The following DOCK3 variants were observed in gnomAD, a reference collection of about 807,000 sequenced individuals.
DOCK3 encodes dedicator of cytokinesis protein 3.
In DOCK3, 60 loss-of-function variants were observed where a neutral mutation model predicts 265.6. That is an observed-to-expected ratio of 0.23 (90% CI 0.18 to 0.28). The LOEUF is 0.28. Ranked by LOEUF, DOCK3 falls within the 10% of genes least tolerant of loss-of-function variation. DOCK3 has a pLI of 1.00. For missense variants in DOCK3, 1,981 were observed against 2,594.3 expected (o/e 0.76, Z 5.14); for synonymous variants, 881 against 938.0 (o/e 0.94, Z 1.11).
At chr3:50,812,380 T>C (rs1287444144) in intron 2 of DOCK3, among the ~76,000 whole-genome samples, 1 of 152,222 alleles carries the variant, frequency 6.6e-6, no homozygotes, top group African/African-American at 2.4e-5. Context: ...GAAAGATGTT[T>C]ATAGGGTTGT....
chr3:50,732,699 C>T (rs553682889), intron 1 of DOCK3, among the ~76,000 whole-genome samples: 1 of 152,324 alleles, frequency 6.6e-6, no homozygotes, highest in East Asian at 1.9e-4. Flanking sequence ...GTGTGAACCA[C>T]TGTACCTGGC....
At position 51,330,235 on chromosome 3, in the gene DOCK3, C is replaced by T. The variant is rs779146346; in HGVS notation, c.3488+12C>T. 2.5e-6 allele frequency: 4 copies of T among 1,580,130 alleles called. No individual in the cohort carries two copies. The Admixed American group carries it at 7.3e-5, about 29-fold the overall frequency. On this transcript the variant is annotated intron_variant, in intron 33 of 52. Transcript: ENST00000266037. ...CTCTTCAGCCTACTGTAAGCTGCTC[C>T]AGCCCCAGGCACACCACACTGGGGG...
intron 22 of DOCK3, among the ~76,000 whole-genome samples, chr3:51,249,684 C>A (rs1185400008): frequency 5.7e-5 from 7 of 122,320 alleles, no homozygotes; most frequent in South Asian, 2.9e-4. Context: ...CCAGCCGCCC[C>A]GTCCGGGAGG....
intron 1 of DOCK3, among the ~76,000 whole-genome samples, chr3:50,731,131 CAA>C (rs58878539): frequency 0.037 from 3,652 of 99,544 alleles, 161 homozygotes; most frequent in African/African-American, 0.11. Context: ...GACTCTGTCT[CAA>C]AAAAAAAAAA....
chr3:51,060,702 G>A (rs2081379944), intron 5 of DOCK3, among the ~76,000 whole-genome samples: 1 of 152,148 alleles, frequency 6.6e-6, no homozygotes, highest in Non-Finnish European at 1.5e-5. Context: ...TCAGATGGTT[G>A]TAGATAAGCA....
chr3:50,811,239 A>G (rs2043739304), intron 2 of DOCK3, among the ~76,000 whole-genome samples: 1 of 151,934 alleles, frequency 6.6e-6, no homozygotes, highest in African/African-American at 2.4e-5. Context: ...AAAAGAGAAG[A>G]GAGAAAAGAA....
chr3:51,132,088 G>A (rs2084581878), intron 9 of DOCK3, among the ~76,000 whole-genome samples: 1 of 152,086 alleles, frequency 6.6e-6, no homozygotes, highest in Non-Finnish European at 1.5e-5. Flanking sequence ...GGGAGATCAG[G>A]CATTTCCTCT....
chr3:50,827,452 A>G (rs780600692), intron 2 of DOCK3, among the ~76,000 whole-genome samples: 13 of 152,144 alleles, frequency 8.5e-5, no homozygotes, highest in Non-Finnish European at 1.5e-5. Flanking sequence ...TCTCTTTTAT[A>G]AGGGCATTAA....
intron 43 of DOCK3, among the ~76,000 whole-genome samples, 189 bp from the exon 44 acceptor site, chr3:51,356,773 C>G (rs998288515): frequency 6.6e-6 from 1 of 152,172 alleles, no homozygotes; most frequent in African/African-American, 2.4e-5. Flanking sequence ...AACTAGTGTT[C>G]TTCACTATTT....
chr3:51,013,884 G>A lies in DOCK3; in HGVS notation c.316-50564G>A, dbSNP rs1042789226. On this transcript the variant is annotated intron_variant, in intron 5 of 52. Coordinates refer to ENST00000266037, the MANE Select transcript of DOCK3 (RefSeq NM_004947.5). ...CTCCTAAGCCTCAGCAATGGCGGAC[G>A]CCCCTCCCCCAGCCATGCTTGCTGC... Among the ~76,000 whole-genome samples, 8 of 152,160 alleles carry A rather than the reference G, an allele frequency of 5.3e-5. No individual in the cohort carries two copies. In the South Asian group the frequency reaches 6.2e-4, roughly 12 times the overall value.
At chr3:51,252,386 C>T (rs1282089472) in intron 22 of DOCK3, among the ~76,000 whole-genome samples, 1 of 152,100 alleles carries the variant, frequency 6.6e-6, no homozygotes, top group Non-Finnish European at 1.5e-5. Flanking sequence ...TAGTTTTTTC[C>T]AATTCTGTGA....
intron 27 of DOCK3, among the ~76,000 whole-genome samples, chr3:51,282,042 C>G (rs761023510): frequency 2.6e-5 from 4 of 152,166 alleles, no homozygotes; most frequent in African/African-American, 9.7e-5. Flanking sequence ...GATGCATTCA[C>G]CCTACTGCTG....
At chr3:51,013,736 A>T (rs950351996) in intron 5 of DOCK3, among the ~76,000 whole-genome samples, 3 of 152,136 alleles carry the variant, frequency 2.0e-5, no homozygotes, top group African/African-American at 2.4e-5. Context: ...AGTCTGCAGA[A>T]GTTTCTGCTG....
At chr3:51,094,651 G>A (rs1461899500) in intron 9 of DOCK3, among the ~76,000 whole-genome samples, 2 of 151,090 alleles carry the variant, frequency 1.3e-5, no homozygotes, top group Non-Finnish European at 3.0e-5. Context: ...AGTTTTTTGT[G>A]TCTCTATCTC....
At chr3:50,748,535 CTTG>C (rs2039596605) in intron 1 of DOCK3, among the ~76,000 whole-genome samples, 2 of 152,104 alleles carry the variant, frequency 1.3e-5, no homozygotes, top group African/African-American at 2.4e-5. Context: ...CTCCAAAGTG[CTTG>C]TTGTTGGTAA....
At chr3:50,772,223 T>C (rs985433891) in intron 1 of DOCK3, among the ~76,000 whole-genome samples, 6 of 152,314 alleles carry the variant, frequency 3.9e-5, no homozygotes, top group Middle Eastern at 3.4e-3. Flanking sequence ...TTATCACTTA[T>C]TTGTGGGATC....
At chr3:51,133,965 G>C (rs1268694018) in intron 9 of DOCK3, among the ~76,000 whole-genome samples, 1 of 152,112 alleles carries the variant, frequency 6.6e-6, no homozygotes, top group African/African-American at 2.4e-5. Context: ...AGTGTCTGTT[G>C]TTCTCCTCTT....
At chr3:50,937,899 C>G (rs1215607174) in intron 5 of DOCK3, among the ~76,000 whole-genome samples, 1 of 151,446 alleles carries the variant, frequency 6.6e-6, no homozygotes, top group Admixed American at 6.6e-5. Flanking sequence ...GACTTAAATC[C>G]TAATATATGA....
chr3:50,822,438 C>A (rs2106939224), intron 2 of DOCK3, among the ~76,000 whole-genome samples: 1 of 152,100 alleles, frequency 6.6e-6, no homozygotes, highest in Non-Finnish European at 1.5e-5. Context: ...TATAGAATTA[C>A]ATTGTCACAA....
Sources: allele counts gnomAD v4.1 joint callset (sites outside exome capture counted in the v4.1 genomes callset), GRCh38; gene constraint gnomAD v4.1.1; transcripts MANE v1.5; gene names NCBI Gene and HGNC (gene_info 2026-07-23, HGNC 2026-07-21).